Variants in NRXN1 observed in about 807,000 individuals in gnomAD.
NRXN1 encodes neurexin-1.
NRXN1 carries 39 observed loss-of-function variants against 150.9 expected under a neutral mutation model. The observed-to-expected ratio is 0.26, with a 90% CI of 0.20 to 0.34. The LOEUF (loss-of-function observed/expected upper bound fraction) is 0.34, where lower values mean the gene tolerates loss of function less well. Among genes scored for constraint, NRXN1 ranks in the 10% least tolerant of loss-of-function variants. NRXN1 has a pLI of 1.00. For missense variants in NRXN1, 1,815 were observed against 1,949.9 expected (o/e 0.93, Z 1.30); for synonymous variants, 924 against 757.0 (o/e 1.22, Z -3.62).
intron 19 of NRXN1, among the ~76,000 whole-genome samples, 162 bp from the exon 20 acceptor site, chr2:50,055,206 A>C: frequency 6.6e-6 from 1 of 152,168 alleles, no homozygotes; most frequent in East Asian, 1.9e-4. Context: ...CTTGTCATTC[A>C]TTCATTTATT....
intron 17 of NRXN1, among the ~76,000 whole-genome samples, chr2:50,364,228 T>A (rs1397054967): frequency 6.6e-6 from 1 of 152,156 alleles, no homozygotes; most frequent in Non-Finnish European, 1.5e-5. Flanking sequence ...ATCCCAGAAC[T>A]TAAAGTATAA....
chr2:50,777,597 A>G (rs556235887), intron 5 of NRXN1, among the ~76,000 whole-genome samples: 78 of 152,240 alleles, frequency 5.1e-4, no homozygotes, highest in African/African-American at 1.7e-3. Flanking sequence ...TTTACATCCA[A>G]TGTGTCTGTG....
chr2:50,845,643 G>T (rs1409273132), intron 5 of NRXN1, among the ~76,000 whole-genome samples: 13 of 152,116 alleles, frequency 8.5e-5, no homozygotes. Flanking sequence ...CTACTGCCTA[G>T]AGTGGTACCT....
chr2:50,632,849 G>T (rs1682581013), intron 5 of NRXN1: 1 of 152,078 alleles, frequency 6.6e-6, no homozygotes, highest in African/African-American at 2.4e-5. Context: ...GCTCTGATCA[G>T]TGTGTAGATG....
chr2:50,827,241 C>A (rs985698986), intron 5 of NRXN1, among the ~76,000 whole-genome samples: 1 of 152,150 alleles, frequency 6.6e-6, no homozygotes, highest in Non-Finnish European at 1.5e-5. Flanking sequence ...ATATTTCTAG[C>A]AAAGAAATAC....
chr2:49,963,398 G>T (rs142609225), intron 21 of NRXN1, among the ~76,000 whole-genome samples: 90 of 152,232 alleles, frequency 5.9e-4, no homozygotes, highest in East Asian at 2.5e-3. Context: ...AAACAAACAG[G>T]AAATAACTAA....
chr2:50,506,459 T>C (rs745750300), intron 13 of NRXN1, 36 bp downstream of exon 13: 3 of 1,584,466 alleles, frequency 1.9e-6, no homozygotes, highest in African/African-American at 1.3e-5. Context: ...TCAAAAGCGT[T>C]AGCATAGGAA....
chr2:50,125,874 C>A (rs956008977), intron 18 of NRXN1, among the ~76,000 whole-genome samples: 1 of 152,054 alleles, frequency 6.6e-6, no homozygotes, highest in African/African-American at 2.4e-5. Flanking sequence ...TGAAACTATT[C>A]ATCATTTTGC....
At chr2:50,363,002 A>G (rs1273048542) in intron 17 of NRXN1, among the ~76,000 whole-genome samples, 1 of 152,194 alleles carries the variant, frequency 6.6e-6, no homozygotes, top group Non-Finnish European at 1.5e-5. Context: ...AGGATCCCCT[A>G]TTTAATAAAT....
rs1052095173 is a variant in NRXN1 at position 50,053,328 on chromosome 2, G to A, written c.4071C>T (p.Thr1357=). 19 of 1,614,018 alleles carry A rather than the reference G, an allele frequency of 1.2e-5. No individual in the cohort carries two copies. The highest frequency in any genetic ancestry group is 1.6e-5 in the Non-Finnish European group (19 of 1,179,924). The change falls in exon 21 of 23, where the codon ACC becomes ACT. Residue 1357 remains threonine, a synonymous_variant. Coordinates refer to ENST00000401669, the MANE Select transcript of NRXN1 (RefSeq NM_001330078.2). ...CTCTTCTGGCTGTGCTAGTAGCCAGGGTCGTGGTAGTCTCCATAATTGATG... is the reference window on the plus strand; with the variant it reads ...CTCTTCTGGCTGTGCTAGTAGCCAGAGTCGTGGTAGTCTCCATAATTGATG... ...MSTSIMETTT[T]LATSTARRGK...
At chr2:49,929,457 G>A (rs923578217) in intron 22 of NRXN1, among the ~76,000 whole-genome samples, 10 of 152,018 alleles carry the variant, frequency 6.6e-5, no homozygotes, top group Admixed American at 6.5e-5. Flanking sequence ...GTATCCTTGT[G>A]GTTTGCATCT....
At chr2:50,774,298 T>C (rs1375431996) in intron 5 of NRXN1, among the ~76,000 whole-genome samples, 2 of 152,134 alleles carry the variant, frequency 1.3e-5, no homozygotes, top group Non-Finnish European at 2.9e-5. Context: ...ATGTCTACAC[T>C]GAAGCAACTC....
chr2:49,981,280 A>G (rs1403037054), intron 21 of NRXN1, among the ~76,000 whole-genome samples: 1 of 152,102 alleles, frequency 6.6e-6, no homozygotes, highest in African/African-American at 2.4e-5. Flanking sequence ...AACAGTAGTC[A>G]GTGACTAAAT....
intron 2 of NRXN1, among the ~76,000 whole-genome samples, chr2:50,934,078 A>T: frequency 6.6e-6 from 1 of 152,090 alleles, no homozygotes; most frequent in South Asian, 2.1e-4. Context: ...GTGGCAATAC[A>T]ATGATACCAT....
At chr2:50,012,962 G>C (rs982341216) in intron 21 of NRXN1, among the ~76,000 whole-genome samples, 4 of 152,058 alleles carry the variant, frequency 2.6e-5, no homozygotes, top group Non-Finnish European at 4.4e-5. Flanking sequence ...TTTGCTAGTG[G>C]AAAGAATTTG....
chr2:50,662,036 A>G (rs952847399), intron 5 of NRXN1, among the ~76,000 whole-genome samples: 2 of 152,100 alleles, frequency 1.3e-5, no homozygotes, highest in East Asian at 1.9e-4. Context: ...TACAATGTAC[A>G]TAGCATATAT....
intron 2 of NRXN1, among the ~76,000 whole-genome samples, chr2:50,945,942 A>G (rs1690306530): frequency 6.7e-6 from 1 of 148,702 alleles, no homozygotes; most frequent in Admixed American, 6.8e-5. Flanking sequence ...GTAAAGTATT[A>G]TTATTATTAT....
At chr2:50,396,799 A>T (rs921523216) in intron 17 of NRXN1, among the ~76,000 whole-genome samples, 3 of 152,266 alleles carry the variant, frequency 2.0e-5, no homozygotes, top group Admixed American at 6.5e-5. Flanking sequence ...TTTCTCAAAG[A>T]AAAGAGGAAA....
chr2:50,966,225 G>T (rs545425196), intron 2 of NRXN1, among the ~76,000 whole-genome samples: 27 of 151,432 alleles, frequency 1.8e-4, no homozygotes, highest in Admixed American at 1.3e-4. Context: ...ATAATGACAT[G>T]TCTGTATGAT....
Sources: gnomAD v4.1 joint callset for allele counts (sites outside exome capture counted in the v4.1 genomes callset) on GRCh38, gnomAD v4.1.1 for gene constraint, MANE v1.5 for transcripts, NCBI Gene and HGNC (gene_info 2026-07-23, HGNC 2026-07-21) for gene names.